AFG1L: variants seen among roughly 807,000 people sequenced by gnomAD.
AFG1L encodes the protein AFG1-like ATPase.
A neutral mutation model predicts 62.2 loss-of-function variants in AFG1L; 53 were observed. That is an observed-to-expected ratio of 0.85 (90% CI 0.68 to 1.07). The LOEUF (loss-of-function observed/expected upper bound fraction) is 1.07, where lower values mean the gene tolerates loss of function less well. AFG1L is among the 50% of genes least tolerant of loss of function. The pLI is 0.00. For synonymous variants in AFG1L, 228 were observed against 210.3 expected (o/e 1.08, Z -0.73); for missense variants, 555 against 590.5 (o/e 0.94, Z 0.62).
At chr6:108,387,581 A>G (rs1780824312) in intron 6 of AFG1L, 1 of 152,280 alleles carries the variant, frequency 6.6e-6, no homozygotes. Context: ...GGCTTGTGGA[A>G]GACAGTTTTG....
At chr6:108,455,942 G>A (rs1772237447) in intron 8 of AFG1L, among the ~76,000 whole-genome samples, 1 of 152,014 alleles carries the variant, frequency 6.6e-6, no homozygotes. Context: ...AAGGCCATTG[G>A]GTCAAGTTGG....
At chr6:108,360,384 A>G (rs1347889743) in intron 5 of AFG1L, among the ~76,000 whole-genome samples, 1 of 152,204 alleles carries the variant, frequency 6.6e-6, no homozygotes, top group Non-Finnish European at 1.5e-5. Context: ...ATGACAAAAC[A>G]AGACAATACC....
chr6:108,488,501 C>G (rs1773652735), intron 10 of AFG1L, among the ~76,000 whole-genome samples: 1 of 151,996 alleles, frequency 6.6e-6, no homozygotes, highest in Admixed American at 6.6e-5. Context: ...CAAAGGAAAT[C>G]ATGAGGGGCA....
chr6:108,421,238 C>G lies in AFG1L; in HGVS notation c.807+19184C>G, dbSNP rs146538411. 2.0e-5 allele frequency among the ~76,000 whole-genome samples: 3 copies of G among 152,236 alleles called. No homozygotes were observed. The East Asian group carries it at 5.8e-4, about 29-fold the overall frequency. ...TTTGCCAAATTAACCAAGAGGTCCT[C>G]ATATTGAACGCATAAATGTGTCAAA... On this transcript the variant is annotated intron_variant, in intron 7 of 12. Coordinates refer to ENST00000368977, the MANE Select transcript of AFG1L (RefSeq NM_145315.5).
Position 108,302,975 on chromosome 6 carries a change from G to A in AFG1L, c.139+7757G>A, listed in dbSNP as rs766351014. ...CCTTGACTCTGGAAATCGGAGTTTC[G>A]CTCTGTCACCCACTGCAACCTCCGC... On this transcript the variant is annotated intron_variant, in intron 1 of 12. Transcript: ENST00000368977. Among the ~76,000 whole-genome samples, 30 of 151,734 alleles carry A rather than the reference G, an allele frequency of 2.0e-4. 1 individual carries two copies. Among genetic ancestry groups the A allele is most frequent in the Admixed American group, 2.6e-4 (4 of 15,224 alleles).
intron 6 of AFG1L, among the ~76,000 whole-genome samples, chr6:108,399,362 A>G (rs1363370638): frequency 1.3e-5 from 2 of 151,246 alleles, no homozygotes; most frequent in Non-Finnish European, 2.9e-5. Context: ...TAATTTTTGT[A>G]GTTTTTGGAG....
intron 1 of AFG1L, among the ~76,000 whole-genome samples, chr6:108,303,017 A>C (rs1777070199): frequency 6.6e-6 from 1 of 151,598 alleles, no homozygotes; most frequent in Non-Finnish European, 1.5e-5. Flanking sequence ...GGTTCATGCG[A>C]TTCTTGTGTT....
intron 2 of AFG1L, among the ~76,000 whole-genome samples, chr6:108,336,094 T>C (rs916190232): frequency 6.6e-6 from 1 of 152,208 alleles, no homozygotes; most frequent in African/African-American, 2.4e-5. Flanking sequence ...GGTGCTAATA[T>C]ATAGTTCAGT....
intron 2 of AFG1L, among the ~76,000 whole-genome samples, chr6:108,325,947 T>A (rs1483006598): frequency 6.6e-6 from 1 of 152,096 alleles, no homozygotes; most frequent in Non-Finnish European, 1.5e-5. Context: ...TGGCTAATTT[T>A]TGTATTTTTA....
At chr6:108,445,632 G>C (rs1479747905) in intron 7 of AFG1L, among the ~76,000 whole-genome samples, 1 of 121,518 alleles carries the variant, frequency 8.2e-6, no homozygotes, top group Non-Finnish European at 1.7e-5. Flanking sequence ...GACACCTAAG[G>C]TGAGAGAGAG....
intron 10 of AFG1L, among the ~76,000 whole-genome samples, chr6:108,490,829 C>T (rs961046457): frequency 3.3e-5 from 5 of 152,186 alleles, no homozygotes; most frequent in African/African-American, 1.2e-4. Flanking sequence ...TGGGCTATTT[C>T]CCTCTGTTGA....
rs76638164 is a variant in AFG1L, at chr6:108,429,174, T to C, written c.808-18040T>C. Among the ~76,000 whole-genome samples, 571 of 152,306 alleles carry C rather than the reference T, an allele frequency of 3.7e-3. 6 individuals are homozygous for C. The highest frequency in any genetic ancestry group is 0.013 in the African/African-American group (549 of 41,572). Reference sequence around the variant, plus strand: ...ACCATTTATTGAATAGTGTGTCCTTTCCCCAACTTATATTTTTATATGTGT... The same window carrying C: ...ACCATTTATTGAATAGTGTGTCCTTCCCCCAACTTATATTTTTATATGTGT... On this transcript the variant is annotated intron_variant, in intron 7 of 12. Coordinates refer to ENST00000368977, the MANE Select transcript of AFG1L (RefSeq NM_145315.5).
At chr6:108,420,399 ATTT>A (rs896590785) in intron 7 of AFG1L, among the ~76,000 whole-genome samples, 8 of 148,174 alleles carry the variant, frequency 5.4e-5, no homozygotes, top group African/African-American at 2.0e-4. Flanking sequence ...ATAAAAATAT[ATTT>A]TTATTTTATT....
intron 5 of AFG1L, 38 bp downstream of exon 5, chr6:108,356,858 T>C (rs780586557): frequency 2.1e-5 from 32 of 1,530,936 alleles, no homozygotes; most frequent in Non-Finnish European, 2.8e-5. Flanking sequence ...GAATGGTATA[T>C]TGAATGAGGT....
intron 10 of AFG1L, among the ~76,000 whole-genome samples, chr6:108,487,664 A>G (rs1280472345): frequency 6.6e-6 from 1 of 152,200 alleles, no homozygotes. Flanking sequence ...AGGGTTGGAA[A>G]GGCTCCAACA....
intron 5 of AFG1L, among the ~76,000 whole-genome samples, chr6:108,364,864 CCAAAAAA>C (rs1562110514): frequency 1.2e-5 from 1 of 84,340 alleles, no homozygotes. Flanking sequence ...CCTGAGACAG[CCAAAAAA>C]AAAAAAAAAA....
intron 1 of AFG1L, among the ~76,000 whole-genome samples, chr6:108,311,143 T>A (rs1777390137): frequency 6.6e-6 from 1 of 152,224 alleles, no homozygotes; most frequent in Admixed American, 6.5e-5. Flanking sequence ...CCGGGCTCCC[T>A]TGTACTCCTC....
intron 8 of AFG1L, among the ~76,000 whole-genome samples, chr6:108,451,666 A>G (rs1295644689): frequency 2.0e-5 from 3 of 152,004 alleles, no homozygotes; most frequent in Non-Finnish European, 4.4e-5. Flanking sequence ...TTCTGTACTA[A>G]ATGCATGATC....
At chr6:108,297,151 G>T (rs1423343539) in intron 1 of AFG1L, among the ~76,000 whole-genome samples, 1 of 152,070 alleles carries the variant, frequency 6.6e-6, no homozygotes, top group Non-Finnish European at 1.5e-5. Context: ...CTGTCTCCCA[G>T]ACTGGAGTGC....
Sources: gnomAD v4.1 joint callset for allele counts (sites outside exome capture counted in the v4.1 genomes callset) on GRCh38, gnomAD v4.1.1 for gene constraint, MANE v1.5 for transcripts, NCBI Gene and HGNC (gene_info 2026-07-23, HGNC 2026-07-21) for gene names.